C1S: variants seen among roughly 807,000 people sequenced by gnomAD.
C1S encodes the protein complement C1s subcomponent.
C1S carries 31 observed loss-of-function variants against 54.0 expected under a neutral mutation model. The ratio of observed to expected loss-of-function variants is 0.57; its 90% CI spans 0.43 to 0.78. The LOEUF (loss-of-function observed/expected upper bound fraction) is 0.78. C1S is among the 30% of genes least tolerant of loss of function. C1S has a pLI of 0.00. For synonymous variants in C1S, 292 were observed against 303.6 expected, an observed-to-expected ratio of 0.96 and a Z score of 0.40; for missense variants, 727 against 851.8, an observed-to-expected ratio of 0.85 and a Z score of 1.82.
At chr12:7,069,678 A>T (rs1937786086) in intron 11 of C1S, among the ~76,000 whole-genome samples, 177 bp from the exon 12 acceptor site, 1 of 148,406 alleles carries the variant, frequency 6.7e-6, no homozygotes, top group Non-Finnish European at 1.5e-5. Flanking sequence ...GCAAAGCGGG[A>T]TGTTTAGGTA....
chr12:7,065,510 C>T (rs1026206156), intron 6 of C1S: 1 of 648,276 alleles, frequency 1.5e-6, no homozygotes, highest in Middle Eastern at 3.4e-4. Flanking sequence ...CGTGTGTCAT[C>T]AAACCCAGCT....
rs781856506 is a variant in C1S, at chr12:7,070,151, C to T, written c.1567C>T (p.Arg523Ter). The part of the protein sequence containing the change: ...GWKLLEVPEG[R>*]TNFDNDIALV... ...GAAGCTGCTGGAAGTCCCAGAAGGA[C>T]GAACCAATTTTGATAATGACATTGC... The change falls in exon 12 of 12, where the codon CGA becomes TGA. Residue 523 changes from arginine (R) to a stop codon, truncating the protein, a stop_gained. Coordinates refer to ENST00000360817, the MANE Select transcript of C1S (RefSeq NM_001734.5). LOFTEE classifies it low-confidence loss of function (END_TRUNC). This position sits in a 1 kb window ranked among gnomAD's most constrained non-coding sequence, Gnocchi z 4.9. 11 of 1,614,176 alleles carry T rather than the reference C, an allele frequency of 6.8e-6. No homozygotes were observed. The highest frequency in any genetic ancestry group is 1.1e-5 in the South Asian group (1 of 91,082).
chr12:7,064,968 A>G (rs2135723876), intron 5 of C1S, 132 bp from the exon 6 acceptor site: 2 of 742,372 alleles, frequency 2.7e-6, no homozygotes, highest in East Asian at 5.3e-5. Context: ...CTATCCCTCC[A>G]GTTAGGGCAG....
chr12:7,062,227 C>T, intron 2 of C1S: 1 of 565,302 alleles, frequency 1.8e-6, no homozygotes, highest in South Asian at 2.0e-5. Flanking sequence ...CCTGAGATCG[C>T]ACCACTGCAC....
chr12:7,061,024 G>A (rs1249518102), intron 1 of C1S, 147 bp downstream of exon 1: 1 of 152,238 alleles, frequency 6.6e-6, no homozygotes, highest in Non-Finnish European at 1.5e-5. Flanking sequence ...ATTTCTCTTA[G>A]GCTCACCCCA....
chr12:7,064,456 G>A, intron 5 of C1S, 64 bp downstream of exon 5: 2 of 1,601,266 alleles, frequency 1.2e-6, no homozygotes, highest in Non-Finnish European at 8.6e-7. Flanking sequence ...GCCTCAGAAA[G>A]GGCTTTGTCC....
chr12:7,064,368 C>T lies in C1S; in HGVS notation c.493C>T (p.His165Tyr), dbSNP rs1555161777. ...FCSCPPEYFL[H>Y]DDMKNCGVNC... ...CTCCTGCCCCCCGGAATATTTCCTCCATGATGACATGAAGAATTGCGGAGG... is the reference window on the plus strand; with the variant it reads ...CTCCTGCCCCCCGGAATATTTCCTCTATGATGACATGAAGAATTGCGGAGG... Residue 165 changes from histidine (H) to tyrosine (Y), a missense_variant, in exon 5 of 12, where the codon CAT (histidine) becomes TAT (tyrosine). His to Tyr is a moderately conservative substitution (Grantham distance 83, BLOSUM62 2). Coordinates refer to ENST00000360817, the MANE Select transcript of C1S (RefSeq NM_001734.5). 5 of 1,613,968 alleles carry T rather than the reference C, an allele frequency of 3.1e-6. No individual in the cohort carries two copies. The highest frequency in any genetic ancestry group is 4.2e-6 in the Non-Finnish European group (5 of 1,180,014).
chr12:7,062,753 G>A (rs1947115311), intron 3 of C1S, 71 bp downstream of exon 3: 1 of 1,504,080 alleles, frequency 6.6e-7, no homozygotes, highest in Non-Finnish European at 9.2e-7. Flanking sequence ...GATGTGGGAG[G>A]GAGTGCCACC....
In C1S at chr12:7,061,891, C is replaced by T; in HGVS notation, c.-22C>T. On this transcript the variant is annotated 5_prime_UTR_variant, in exon 2 of 12. Coordinates refer to ENST00000360817, the MANE Select transcript of C1S (RefSeq NM_001734.5). ...CAGGACCAAGAGACAGGCAGCTCACCAGGGTGGACAAATCGCCAGAGATGT... is the reference window on the plus strand; with the variant it reads ...CAGGACCAAGAGACAGGCAGCTCACTAGGGTGGACAAATCGCCAGAGATGT... The T allele has an allele frequency of 1.2e-6, 2 of 1,613,868 alleles. No homozygotes were observed. The highest frequency in any genetic ancestry group is 8.5e-7 in the Non-Finnish European group (1 of 1,179,886).
At chr12:7,066,042 A>T in intron 7 of C1S, 72 bp downstream of exon 7, 4 of 1,367,536 alleles carry the variant, frequency 2.9e-6, no homozygotes, top group Non-Finnish European at 4.2e-6. Context: ...CAAAGCAGGT[A>T]GATGATCCAG....
At chr12:7,069,153 C>G (rs1189574912) in intron 11 of C1S, among the ~76,000 whole-genome samples, 5 of 152,196 alleles carry the variant, frequency 3.3e-5, no homozygotes, top group African/African-American at 1.2e-4. Flanking sequence ...GTGGCAAAGG[C>G]AGGCTTTGAG....
In C1S at chr12:7,065,875, TAA is replaced by T; in HGVS notation, c.778_779del (p.Asn260TyrfsTer2). ...TGTGGTCATGGATTCCCTGGGCCTC[TAA>T]ATATTGAAACCAAGAGTAATGCTCT... On this transcript the variant is annotated frameshift_variant, in exon 7 of 12. Transcript: ENST00000360817. LOFTEE classifies it high-confidence loss of function. 1 of 1,613,342 alleles carries T rather than the reference TAA, an allele frequency of 6.2e-7. No individual in the cohort carries two copies. The highest frequency in any genetic ancestry group is 8.5e-7 in the Non-Finnish European group (1 of 1,179,270).
intron 4 of C1S, chr12:7,063,904 T>C (rs1056351166): frequency 2.3e-5 from 10 of 430,986 alleles, no homozygotes; most frequent in Admixed American, 2.2e-4. Flanking sequence ...TGGTGCGTGC[T>C]TGTGTTCCCA....
At position 7,069,943 on chromosome 12, in the gene C1S, C is replaced by G. The variant is rs782259322; in HGVS notation, c.1359C>G (p.Val453=). The part of the protein sequence containing the change: ...DADIKNFPWQ[V]FFDNPWAGGA... ...ATATTAAAAACTTCCCCTGGCAAGT[C>G]TTCTTTGACAACCCATGGGCTGGTG... Residue 453 remains valine (V), a synonymous_variant, in exon 12 of 12, where the codon GTC becomes GTG. Transcript: ENST00000360817. 1.2e-5 allele frequency: 20 copies of G among 1,614,048 alleles called. No individual in the cohort carries two copies. The South Asian group carries it at 2.2e-4, about 18-fold the overall frequency.
At chr12:7,061,799 T>G (rs782513666) in intron 1 of C1S, 40 bp from the exon 2 acceptor site, 1 of 1,168,882 alleles carries the variant, frequency 8.6e-7, no homozygotes, top group Non-Finnish European at 1.3e-6. Context: ...AAGGTGCTTG[T>G]GTTTGTCAGA....
In C1S at chr12:7,070,666, AC is replaced by A; in HGVS notation, c.*17del. The A allele has an allele frequency of 6.2e-7, 1 of 1,607,536 alleles. No individual in the cohort carries two copies. On this transcript the variant is annotated 3_prime_UTR_variant, in exon 12 of 12. Coordinates refer to ENST00000360817, the MANE Select transcript of C1S (RefSeq NM_001734.5). This position sits in a 1 kb window ranked among gnomAD's most constrained non-coding sequence, Gnocchi z 4.9. ...GTGAGGACTAATCCAGATACATCCCACCAGCCTCTCCAAGGGTGGTGACCAA... is the reference window on the plus strand; with the variant it reads ...GTGAGGACTAATCCAGATACATCCCACAGCCTCTCCAAGGGTGGTGACCAA...
intron 4 of C1S, chr12:7,064,046 A>ACACACACC: frequency 8.3e-6 from 5 of 601,710 alleles, no homozygotes; most frequent in Non-Finnish European, 1.6e-5. Context: ...ACACACACAC[A>ACACACACC]CCCCCGAGCT....
rs782226018 is a variant in C1S, at chr12:7,063,038, C to T, written c.362C>T (p.Thr121Met). 46 of 1,613,730 alleles carry T rather than the reference C, an allele frequency of 2.9e-5. No individual in the cohort carries two copies. The highest frequency in any genetic ancestry group is 1.6e-4 in the Middle Eastern group (1 of 6,084). ...GACTTTTCCAATGAAGAGCGTTTTA[C>T]GGGGTTTGCTGCATACTATGTTGCC... ...KSDFSNEERF[T>M]GFAAYYVATD... Residue 121 changes from threonine to methionine, a missense_variant, in exon 4 of 12, where the codon ACG becomes ATG. This residue lies in a region of C1S where 357 missense variants were observed against 365.4 expected (regional missense o/e 0.98). Transcript: ENST00000360817.
At position 7,068,370 on chromosome 12, in the gene C1S, C is replaced by T. The variant is rs782677668; in HGVS notation, c.1196-86C>T. 1.6e-4 allele frequency: 149 copies of T among 932,102 alleles called. 2 individuals carry two copies. The East Asian group carries it at 3.3e-3, about 21-fold the overall frequency. The allele number at this position is 932,102 out of a possible 1,614,324, so 57.7% of individuals were successfully genotyped here. A position where few individuals can be genotyped will look rare whatever the true frequency, so the allele number is the denominator to read the frequency against. ...TAGACGAGCTGAGGTTCTGAAGGAA[C>T]GGGGCAGGGTGTTGGGGTCGGAGGG... On this transcript the variant is annotated intron_variant, in intron 10 of 11. Transcript: ENST00000360817.
Sources: gnomAD v4.1 joint callset for allele counts (sites outside exome capture counted in the v4.1 genomes callset) on GRCh38, gnomAD v4.1.1 for gene constraint, gnomAD v4.1.1 regional missense constraint, Gnocchi (gnomAD v3.1) non-coding constraint, MANE v1.5 for transcripts, NCBI Gene and HGNC (gene_info 2026-07-23, HGNC 2026-07-21) for gene names.